The following DYNC2LI1 variants were observed in gnomAD, a reference collection of about 807,000 sequenced individuals.
DYNC2LI1 encodes cytoplasmic dynein 2 light intermediate chain 1.
A neutral mutation model predicts 51.9 loss-of-function variants in DYNC2LI1; 45 were observed. That is an observed-to-expected ratio of 0.87 (90% CI 0.68 to 1.11). The LOEUF is 1.11. DYNC2LI1 is among the 50% of genes most tolerant of loss of function. The pLI, the probability that DYNC2LI1 is intolerant of heterozygous loss-of-function variation, is 0.00. For missense variants in DYNC2LI1, 490 were observed against 417.4 expected (o/e 1.17, Z -1.51); for synonymous variants, 130 against 137.8 (o/e 0.94, Z 0.40).
At chr2:43,779,001 A>T (rs1166943292) in intron 2 of DYNC2LI1, among the ~76,000 whole-genome samples, 1 of 152,144 alleles carries the variant, frequency 6.6e-6, no homozygotes, top group African/African-American at 2.4e-5. Flanking sequence ...CATGCTTGTA[A>T]TCCCAGGACT....
chr2:43,795,458 C>T (rs139028206), intron 6 of DYNC2LI1, among the ~76,000 whole-genome samples: 2 of 151,872 alleles, frequency 1.3e-5, no homozygotes, highest in African/African-American at 4.8e-5. Context: ...GAGCCGAGAT[C>T]GCGCCACTAC....
intron 1 of DYNC2LI1, 100 bp from the exon 2 acceptor site, chr2:43,776,682 G>A: frequency 1.7e-6 from 1 of 578,094 alleles, no homozygotes. Context: ...ATGTTCATTT[G>A]TTTCATAAAT....
chr2:43,802,151 T>A (rs1666096758), intron 10 of DYNC2LI1, among the ~76,000 whole-genome samples: 1 of 152,132 alleles, frequency 6.6e-6, no homozygotes, highest in Non-Finnish European at 1.5e-5. Flanking sequence ...TTAGGTATGA[T>A]TTGATTTTTT....
At chr2:43,788,615 T>C (rs979805382) in intron 4 of DYNC2LI1, among the ~76,000 whole-genome samples, 11 of 152,144 alleles carry the variant, frequency 7.2e-5, no homozygotes, top group Non-Finnish European at 1.5e-4. Context: ...TGGTCCTTTT[T>C]CTTTTCTTTT....
chr2:43,824,293 C>A, the DYNC2LI1 span: 2 of 1,614,038 alleles, frequency 1.2e-6, no homozygotes, highest in African/African-American at 2.7e-5. Context: ...GTAACGTTTT[C>A]AGGTGTTTCA....
At chr2:43,787,465 A>C (rs1385805275) in intron 4 of DYNC2LI1, among the ~76,000 whole-genome samples, 1 of 152,256 alleles carries the variant, frequency 6.6e-6, no homozygotes, top group Non-Finnish European at 1.5e-5. Context: ...ATGTCTTAAA[A>C]TGCTAGAATA....
At chr2:43,789,141 C>T (rs897585975) in intron 4 of DYNC2LI1, among the ~76,000 whole-genome samples, 1 of 152,204 alleles carries the variant, frequency 6.6e-6, no homozygotes, top group African/African-American at 2.4e-5. Flanking sequence ...TCTTGATCCG[C>T]AGCCAGGATT....
the DYNC2LI1 span, chr2:43,822,486 C>CCA: frequency 2.1e-6 from 2 of 932,846 alleles, no homozygotes; most frequent in African/African-American, 3.6e-5. Flanking sequence ...AGGCCCCCCC[C>CCA]CATGCACCTG....
chr2:43,810,268 A>T, downstream of DYNC2LI1: 1 of 749,222 alleles, frequency 1.3e-6, no homozygotes, highest in Non-Finnish European at 1.6e-6. Context: ...CCAGGTCCCC[A>T]CACCTAGAGT....
At position 43,801,669 on chromosome 2, in the gene DYNC2LI1, G is replaced by A. The variant is rs145754782; in HGVS notation, c.762G>A (p.Pro254=). ...SKSICVDQNK[P]LFITAGLDSF... Reference sequence around the variant, plus strand: ...CAATATGTGTGGATCAGAATAAACCGCTGTTTATCACAGCAGGATTGGATT... The same window carrying A: ...CAATATGTGTGGATCAGAATAAACCACTGTTTATCACAGCAGGATTGGATT... Residue 254 remains proline (P), a synonymous_variant, in exon 10 of 13, where the codon CCG becomes CCA. Coordinates refer to ENST00000260605, the MANE Select transcript of DYNC2LI1 (RefSeq NM_016008.4). 189 of 1,609,602 alleles carry A rather than the reference G, an allele frequency of 1.2e-4. No individual in the cohort carries two copies. In the African/African-American group the frequency reaches 1.7e-3, roughly 15 times the overall value.
chr2:43,823,886 G>A, the DYNC2LI1 span: 1 of 1,610,820 alleles, frequency 6.2e-7, no homozygotes, highest in Non-Finnish European at 8.5e-7. Flanking sequence ...GGAGAAAGAG[G>A]TGCACCTCCA....
At chr2:43,785,390 G>T (rs1673478023) in intron 3 of DYNC2LI1, among the ~76,000 whole-genome samples, 1 of 151,932 alleles carries the variant, frequency 6.6e-6, no homozygotes, top group Non-Finnish European at 1.5e-5. Context: ...CTACAACATG[G>T]ATGAACCTTG....
At chr2:43,821,154 G>A in the DYNC2LI1 span, among the ~76,000 whole-genome samples, 12 of 152,248 alleles carry the variant, frequency 7.9e-5, no homozygotes. Context: ...ACTCTTCAAG[G>A]CCATCTACTT....
intron 2 of DYNC2LI1, among the ~76,000 whole-genome samples, chr2:43,781,112 A>T (rs1328181913): frequency 6.6e-6 from 1 of 152,156 alleles, no homozygotes; most frequent in Non-Finnish European, 1.5e-5. Context: ...CAAGACTGTA[A>T]TCCCAGCACT....
intron 4 of DYNC2LI1, among the ~76,000 whole-genome samples, chr2:43,788,956 C>A (rs1289954144): frequency 6.6e-6 from 1 of 152,168 alleles, no homozygotes; most frequent in South Asian, 2.1e-4. Flanking sequence ...TATTTCTGAA[C>A]TTCTTGGCTG....
intron 4 of DYNC2LI1, among the ~76,000 whole-genome samples, chr2:43,787,772 G>T (rs1182003789): frequency 6.6e-6 from 1 of 152,058 alleles, no homozygotes; most frequent in Non-Finnish European, 1.5e-5. Flanking sequence ...GGCAGGGGGT[G>T]GGGTGGGGAA....
the DYNC2LI1 span, among the ~76,000 whole-genome samples, chr2:43,827,177 T>C: frequency 6.6e-6 from 1 of 151,954 alleles, no homozygotes; most frequent in African/African-American, 2.4e-5. Context: ...GAACAAAAAT[T>C]AGCCGGGTGT....
chr2:43,797,515 C>CTTTT (rs557695536), intron 8 of DYNC2LI1, among the ~76,000 whole-genome samples: 25 of 110,688 alleles, frequency 2.3e-4, no homozygotes, highest in South Asian at 5.9e-4. Context: ...AATATAACAA[C>CTTTT]TTTTTTTTTT....
the DYNC2LI1 span, among the ~76,000 whole-genome samples, chr2:43,820,802 C>T: frequency 6.6e-6 from 1 of 151,990 alleles, no homozygotes; most frequent in African/African-American, 2.4e-5. Flanking sequence ...TACAGGTGCG[C>T]ACCACCACAC....
Sources: gnomAD v4.1 joint callset for allele counts (sites outside exome capture counted in the v4.1 genomes callset) on GRCh38, gnomAD v4.1.1 for gene constraint, MANE v1.5 for transcripts, NCBI Gene and HGNC (gene_info 2026-07-23, HGNC 2026-07-21) for gene names.